TFEC: variants seen among roughly 807,000 people sequenced by gnomAD.
The protein encoded by TFEC is class E basic helix-loop-helix protein 34.
In TFEC, 31 loss-of-function variants were observed where a neutral mutation model predicts 41.6. The observed-to-expected ratio is 0.74, with a 90% CI of 0.56 to 1.01. The LOEUF is 1.01. Among genes scored for constraint, TFEC ranks in the 50% least tolerant of loss-of-function variants. TFEC has a pLI of 0.00. For missense variants in TFEC, 402 were observed against 404.1 expected (o/e 0.99, Z 0.04); for synonymous variants, 143 against 140.6 (o/e 1.02, Z -0.12).
Position 115,940,572 on chromosome 7 carries a change from T to G in TFEC, c.1023A>C (p.Ser341=). ...KESSRRSSFS[S]DDGDEL is the part of the protein sequence containing the mutation. ...TTTCTTATAATTCATCACCATCATC[T>G]GAGCTAAAGCTACTTCTCCTACTGC... The change falls in exon 8 of 8, where the codon TCA becomes TCC. Residue 341 remains serine, a synonymous_variant. Transcript: ENST00000265440. The G allele has an allele frequency of 6.2e-7, 1 of 1,611,950 alleles. No homozygotes were observed. Among genetic ancestry groups the G allele is most frequent in the Non-Finnish European group, 8.5e-7 (1 of 1,178,800 alleles).
intron 6 of TFEC, among the ~76,000 whole-genome samples, chr7:115,943,340 TTAAG>T (rs1472551159): frequency 6.6e-6 from 1 of 151,802 alleles, no homozygotes; most frequent in Non-Finnish European, 1.5e-5. Context: ...AAACTAAAAT[TTAAG>T]TAGTAGCAAA....
intron 3 of TFEC, among the ~76,000 whole-genome samples, chr7:116,082,700 G>C (rs1343941816): frequency 6.6e-6 from 1 of 151,334 alleles, no homozygotes; most frequent in Admixed American, 6.6e-5. Context: ...AATTTTTTTT[G>C]GCAAACATTA....
chr7:116,070,168 G>GTA (rs1376470811), intron 3 of TFEC, among the ~76,000 whole-genome samples: 1 of 151,330 alleles, frequency 6.6e-6, no homozygotes, highest in East Asian at 1.9e-4. Context: ...GCGCGTGTGT[G>GTA]TATATATACA....
At chr7:115,991,939 T>C (rs986670430) in intron 1 of TFEC, among the ~76,000 whole-genome samples, 1 of 152,168 alleles carries the variant, frequency 6.6e-6, no homozygotes, top group African/African-American at 2.4e-5. Flanking sequence ...TATTCCAAAA[T>C]TGACCACACA....
intron 7 of TFEC, 195 bp downstream of exon 7, chr7:115,941,698 T>C: frequency 1.6e-6 from 1 of 630,246 alleles, no homozygotes; most frequent in Non-Finnish European, 2.7e-6. Context: ...TATTCAGCCA[T>C]CTTGATCCTG....
chr7:115,957,540 T>C (rs1427506261), intron 3 of TFEC, among the ~76,000 whole-genome samples: 2 of 151,918 alleles, frequency 1.3e-5, no homozygotes, highest in Non-Finnish European at 2.9e-5. Flanking sequence ...CAAAGTGTGC[T>C]TATTGATTTG....
intron 3 of TFEC, among the ~76,000 whole-genome samples, chr7:115,961,346 G>C (rs766443092): frequency 6.6e-6 from 1 of 151,486 alleles, no homozygotes; most frequent in Non-Finnish European, 1.5e-5. Flanking sequence ...TGAAATCATA[G>C]TGGAATTTTA....
rs186142047 is a variant in TFEC, at chr7:115,936,909, A to C, written c.*3642T>G. On this transcript the variant is annotated 3_prime_UTR_variant, in exon 8 of 8. Coordinates refer to ENST00000265440, the MANE Select transcript of TFEC (RefSeq NM_012252.4). ...GGCTTTTTTAAAAACCTATATAAAG[A>C]AAGCCATGGTCACTGATATGCCTAT... The C allele has an allele frequency of 8.6e-5, 13 of 151,782 alleles. No homozygotes were observed. The highest frequency in any genetic ancestry group is 3.9e-4 in the East Asian group (2 of 5,162). The allele number at this position is 151,782 out of a possible 1,614,324, so 9.4% of individuals were successfully genotyped here.
chr7:116,142,310 C>T (rs1230389199), intron 1 of TFEC, among the ~76,000 whole-genome samples: 3 of 152,118 alleles, frequency 2.0e-5, no homozygotes, highest in Admixed American at 6.5e-5. Context: ...CAAAATATAA[C>T]GATCATTCAT....
intron 3 of TFEC, among the ~76,000 whole-genome samples, chr7:115,964,535 T>G (rs1386630473): frequency 1.3e-5 from 2 of 151,594 alleles, no homozygotes; most frequent in Admixed American, 6.6e-5. Context: ...CAAGTTTGAT[T>G]TCCCATAAGT....
intron 3 of TFEC, among the ~76,000 whole-genome samples, chr7:116,048,414 C>G (rs1045974968): frequency 9.2e-5 from 14 of 152,054 alleles, no homozygotes; most frequent in Admixed American, 8.5e-4. Context: ...AATGAAGCAA[C>G]AAGAGAAGCT....
chr7:116,013,288 T>A (rs57587806), intron 1 of TFEC, among the ~76,000 whole-genome samples: 19,894 of 152,142 alleles, frequency 0.13, 1,854 homozygotes, highest in East Asian at 0.38. Context: ...CCTCAAGTAC[T>A]GTGCTTCTGT....
rs1795458169 is a variant in TFEC at position 116,023,040 on chromosome 7, A to C, written c.-73+7593T>G. On this transcript the variant is annotated intron_variant, in intron 1 of 7. Transcript: ENST00000265440. The stretch of plus-strand genomic sequence containing the variant: ...AAAATCTATTAAGAGCCCGTAATAT[A>C]ACAAATAGCTAATTAACAATAACAA... Among the ~76,000 whole-genome samples, 8 of 152,090 alleles carry C rather than the reference A, an allele frequency of 5.3e-5. No homozygotes were observed. In the South Asian group the frequency reaches 1.7e-3, roughly 31 times the overall value.
At chr7:115,997,076 C>T (rs1022056915) in intron 1 of TFEC, among the ~76,000 whole-genome samples, 24 of 152,230 alleles carry the variant, frequency 1.6e-4, no homozygotes, top group African/African-American at 5.1e-4. Context: ...GCATTAGGCC[C>T]TTGAGAGAAA....
chr7:115,936,013 T>C lies in TFEC; in HGVS notation c.*4538A>G, dbSNP rs963764206. The C allele has an allele frequency of 1.3e-5, 2 of 151,744 alleles. No homozygotes were observed. The highest frequency in any genetic ancestry group is 3.9e-4 in the East Asian group (2 of 5,172). 9.4% of individuals were successfully genotyped at this position (151,744 alleles called of 1,614,324 possible). A position where few individuals can be genotyped will look rare whatever the true frequency, so the allele number is the denominator to read the frequency against. The stretch of plus-strand genomic sequence containing the variant: ...TTTAATCAAAATAGCTGTTTTCGGA[T>C]AATCTCCTATACATTCAAATCTCTA... On this transcript the variant is annotated 3_prime_UTR_variant, in exon 8 of 8. Coordinates refer to ENST00000265440, the MANE Select transcript of TFEC (RefSeq NM_012252.4).
intron 5 of TFEC, among the ~76,000 whole-genome samples, chr7:115,952,635 A>G (rs1278412082): frequency 6.6e-6 from 1 of 152,082 alleles, no homozygotes; most frequent in Non-Finnish European, 1.5e-5. Flanking sequence ...GAATTTTTAA[A>G]TGGCTAATTA....
At chr7:115,983,467 T>C (rs909561112) in intron 2 of TFEC, among the ~76,000 whole-genome samples, 1 of 152,140 alleles carries the variant, frequency 6.6e-6, no homozygotes, top group African/African-American at 2.4e-5. Context: ...ACCAGGAATG[T>C]AGATTGGGAG....
intron 1 of TFEC, among the ~76,000 whole-genome samples, chr7:115,998,995 T>C (rs1794481588): frequency 6.6e-6 from 1 of 151,994 alleles, no homozygotes; most frequent in Non-Finnish European, 1.5e-5. Context: ...CTAATAGATA[T>C]TTACAGAACA....
intron 1 of TFEC, among the ~76,000 whole-genome samples, chr7:116,138,416 T>G (rs192177983): frequency 1.3e-4 from 20 of 152,318 alleles, no homozygotes; most frequent in Non-Finnish European, 1.9e-4. Context: ...ACAGAAGCTC[T>G]GATCTCATAT....
Sources: gnomAD v4.1 joint callset for allele counts (sites outside exome capture counted in the v4.1 genomes callset) on GRCh38, gnomAD v4.1.1 for gene constraint, MANE v1.5 for transcripts, NCBI Gene and HGNC (gene_info 2026-07-23, HGNC 2026-07-21) for gene names.